The following RAP1GAP2 variants were observed in gnomAD, a reference collection of about 807,000 sequenced individuals.
The protein encoded by RAP1GAP2 is RAP1 GTPase activating protein 2.
A neutral mutation model predicts 95.0 loss-of-function variants in RAP1GAP2; 27 were observed. The ratio of observed to expected loss-of-function variants is 0.28; its 90% CI spans 0.21 to 0.39. The LOEUF (loss-of-function observed/expected upper bound fraction) is 0.39. Ranked by LOEUF, RAP1GAP2 falls within the 10% of genes least tolerant of loss-of-function variation. The pLI, the probability that RAP1GAP2 is intolerant of heterozygous loss-of-function variation, is 1.00. For synonymous variants in RAP1GAP2, 373 were observed against 380.9 expected, an observed-to-expected ratio of 0.98 and a Z score of 0.24; for missense variants, 771 against 970.0, an observed-to-expected ratio of 0.79 and a Z score of 2.72.
chr17:2,806,376 T>TTATTA, intron 2 of RAP1GAP2, among the ~76,000 whole-genome samples: 1 of 139,942 alleles, frequency 7.1e-6, no homozygotes, highest in South Asian at 2.3e-4. Context: ...CTACAACCTT[T>TTATTA]TTATTATTAT....
intron 1 of RAP1GAP2, among the ~76,000 whole-genome samples, chr17:2,756,772 G>A (rs1318775362): frequency 6.6e-6 from 1 of 152,126 alleles, no homozygotes; most frequent in African/African-American, 2.4e-5. Context: ...GGAGTAGTCA[G>A]GATTCAGGCA....
intron 8 of RAP1GAP2, among the ~76,000 whole-genome samples, chr17:2,969,496 C>CTTTTTTTTTTTTT (rs34468461): frequency 6.0e-5 from 5 of 83,780 alleles, no homozygotes; most frequent in African/African-American, 1.4e-4. Context: ...TATATATATT[C>CTTTTTTTTTTTTT]TTTTTTTTTT....
chr17:3,030,087 TATAG>T (rs1567918274), intron 22 of RAP1GAP2, among the ~76,000 whole-genome samples: 1 of 147,910 alleles, frequency 6.8e-6, no homozygotes, highest in Non-Finnish European at 1.5e-5. Context: ...ATACATATGT[TATAG>T]ATACACATAA....
intron 2 of RAP1GAP2, among the ~76,000 whole-genome samples, chr17:2,771,827 C>A (rs1347228273): frequency 6.6e-6 from 1 of 152,058 alleles, no homozygotes. Context: ...AGGTTACATG[C>A]CAGAGGACTT....
At chr17:2,862,309 G>A (rs2072434471) in intron 2 of RAP1GAP2, among the ~76,000 whole-genome samples, 1 of 152,066 alleles carries the variant, frequency 6.6e-6, no homozygotes, top group African/African-American at 2.4e-5. Context: ...GTGGACAGTC[G>A]CCATTAGCCA....
At position 2,839,944 on chromosome 17, in the gene RAP1GAP2, A is replaced by G. The variant is rs542646878; in HGVS notation, c.80+39394A>G. Among the ~76,000 whole-genome samples the G allele has an allele frequency of 2.0e-5, 3 of 148,174 alleles. No homozygotes were observed. In the South Asian group the frequency reaches 6.5e-4, roughly 32 times the overall value. On this transcript the variant is annotated intron_variant, in intron 2 of 24. Transcript: ENST00000254695. Reference sequence around the variant, plus strand: ...CTCCGGAGTAGCTGGGATTACAGGCATGCGCCACCACGCCCAGCTATTTTT... The same window carrying G: ...CTCCGGAGTAGCTGGGATTACAGGCGTGCGCCACCACGCCCAGCTATTTTT...
chr17:2,806,481 C>T (rs919836364), intron 2 of RAP1GAP2, among the ~76,000 whole-genome samples: 1 of 151,254 alleles, frequency 6.6e-6, no homozygotes, highest in African/African-American at 2.4e-5. Context: ...CAACCTCCAC[C>T]TCCTGGGTTC....
chr17:2,931,108 C>T (rs1253522389), intron 3 of RAP1GAP2, among the ~76,000 whole-genome samples: 2 of 118,052 alleles, frequency 1.7e-5, no homozygotes, highest in African/African-American at 6.6e-5. Context: ...GGTGACAGAG[C>T]GAGACTCCAT....
intron 2 of RAP1GAP2, among the ~76,000 whole-genome samples, chr17:2,861,367 G>C (rs2072380450): frequency 6.6e-6 from 1 of 151,834 alleles, no homozygotes. Flanking sequence ...GGTCTCCATT[G>C]CCCAGAATAG....
intron 24 of RAP1GAP2, 39 bp downstream of exon 24, chr17:3,032,488 G>T (rs944091802): frequency 1.1e-5 from 17 of 1,586,030 alleles, no homozygotes; most frequent in Admixed American, 8.3e-5. Flanking sequence ...CGTGAGGGGG[G>T]ACGTGTGTTT....
At chr17:2,947,724 G>A (rs542833149) in intron 3 of RAP1GAP2, among the ~76,000 whole-genome samples, 38 of 152,072 alleles carry the variant, frequency 2.5e-4, no homozygotes, top group African/African-American at 8.0e-4. Flanking sequence ...TAGCGGAGTC[G>A]GGCAGTGTGG....
At chr17:3,019,833 T>A (rs1396014809) in intron 18 of RAP1GAP2, among the ~76,000 whole-genome samples, 1 of 152,130 alleles carries the variant, frequency 6.6e-6, no homozygotes, top group Non-Finnish European at 1.5e-5. Flanking sequence ...CTTGGTGGCC[T>A]CTAGAGGTTG....
chr17:2,934,132 C>T (rs1053620093), intron 3 of RAP1GAP2, among the ~76,000 whole-genome samples: 2 of 152,156 alleles, frequency 1.3e-5, no homozygotes, highest in Non-Finnish European at 2.9e-5. Flanking sequence ...TGACTGTTTA[C>T]AAAGCACTTT....
intron 1 of RAP1GAP2, among the ~76,000 whole-genome samples, chr17:2,789,914 T>C (rs2068881539): frequency 6.6e-6 from 1 of 152,142 alleles, no homozygotes; most frequent in East Asian, 1.9e-4. Flanking sequence ...TCAGCACTTG[T>C]GCAATGGGAA....
Position 2,870,990 on chromosome 17 carries a change from T to C in RAP1GAP2, c.81-34294T>C, listed in dbSNP as rs1050541486. Among the ~76,000 whole-genome samples, 2 of 152,192 alleles carry C rather than the reference T, an allele frequency of 1.3e-5. No individual in the cohort carries two copies. Among genetic ancestry groups the C allele is most frequent in the Admixed American group, 6.5e-5 (1 of 15,274 alleles). On this transcript the variant is annotated intron_variant, in intron 2 of 24. Transcript: ENST00000254695. This position sits in a 1 kb window ranked among gnomAD's most constrained non-coding sequence, Gnocchi z 4.4. ...ATTCTTTTGAGACAGAGTTTCACTC[T>C]TGTCACCCAGGCTGGAGTGCAGTGG...
intron 3 of RAP1GAP2, among the ~76,000 whole-genome samples, chr17:2,947,578 A>G (rs1394877684): frequency 6.6e-6 from 1 of 152,186 alleles, no homozygotes; most frequent in Non-Finnish European, 1.5e-5. Context: ...AGGCAGTTCT[A>G]TTAATAGCAC....
At chr17:3,016,260 TC>T (rs1435983774) in intron 17 of RAP1GAP2, among the ~76,000 whole-genome samples, 1 of 152,172 alleles carries the variant, frequency 6.6e-6, no homozygotes, top group Non-Finnish European at 1.5e-5. Flanking sequence ...AGAAAACCTT[TC>T]CCCAGCGCAC....
chr17:2,891,085 A>G (rs1449901051), intron 2 of RAP1GAP2, among the ~76,000 whole-genome samples: 1 of 151,598 alleles, frequency 6.6e-6, no homozygotes, highest in African/African-American at 2.4e-5. Context: ...TGTTTCTTGG[A>G]GTTAATGATT....
intron 10 of RAP1GAP2, among the ~76,000 whole-genome samples, chr17:2,981,982 T>C (rs1431410990): frequency 6.6e-6 from 1 of 152,248 alleles, no homozygotes; most frequent in Non-Finnish European, 1.5e-5. Flanking sequence ...GCTGTGCTTC[T>C]GAGCTTCTGC....
Sources: gnomAD v4.1 joint callset for allele counts (sites outside exome capture counted in the v4.1 genomes callset) on GRCh38, gnomAD v4.1.1 for gene constraint, Gnocchi (gnomAD v3.1) non-coding constraint, MANE v1.5 for transcripts, NCBI Gene and HGNC (gene_info 2026-07-23, HGNC 2026-07-21) for gene names.